The following MTHFD2 variants were observed in gnomAD, a reference collection of about 807,000 sequenced individuals.
MTHFD2 encodes the protein bifunctional methylenetetrahydrofolate dehydrogenase/cyclohydrolase, mitochondrial.
MTHFD2 carries 26 observed loss-of-function variants against 36.8 expected under a neutral mutation model. That is an observed-to-expected ratio of 0.71 (90% CI 0.52 to 0.98). The LOEUF is 0.98. Among genes scored for constraint, MTHFD2 ranks in the 50% least tolerant of loss-of-function variants. MTHFD2 has a pLI of 0.00. For synonymous variants in MTHFD2, 164 were observed against 155.2 expected (o/e 1.06, Z -0.42); for missense variants, 373 against 434.0 (o/e 0.86, Z 1.25).
chr2:74,206,797 C>T (rs1262442023), intron 2 of MTHFD2, among the ~76,000 whole-genome samples: 3 of 152,182 alleles, frequency 2.0e-5, no homozygotes, highest in Non-Finnish European at 2.9e-5. Context: ...CAACCTCCGC[C>T]TCCCGGGTTC....
chr2:74,211,684 A>G (rs755145428), intron 6 of MTHFD2, 57 bp from the exon 7 acceptor site: 3 of 1,503,360 alleles, frequency 2.0e-6, no homozygotes, highest in Non-Finnish European at 2.7e-6. Flanking sequence ...TTAGACAAGA[A>G]TCTGACAGGT....
intron 4 of MTHFD2, among the ~76,000 whole-genome samples, chr2:74,209,444 G>A (rs1335027802): frequency 1.6e-4 from 25 of 151,714 alleles, no homozygotes; most frequent in Admixed American, 1.6e-3. Flanking sequence ...GTACAGACGG[G>A]GTTTCACCGT....
chr2:74,211,064 C>T (rs576837760), intron 5 of MTHFD2, 135 bp from the exon 6 acceptor site: 80 of 575,482 alleles, frequency 1.4e-4, no homozygotes, highest in Non-Finnish European at 2.2e-4. Context: ...GGATTACAGG[C>T]GTGAGCCACT....
At chr2:74,208,469 T>G in intron 3 of MTHFD2, 100 bp from the exon 4 acceptor site, 1 of 1,358,090 alleles carries the variant, frequency 7.4e-7, no homozygotes, top group South Asian at 1.3e-5. Context: ...AGAGGCAAGC[T>G]GTAGAAGAAT....
intron 3 of MTHFD2, 69 bp from the exon 4 acceptor site, chr2:74,208,500 T>G (rs369693330): frequency 6.6e-7 from 1 of 1,518,752 alleles, no homozygotes. Context: ...GCGAAGCAGA[T>G]AAGCTGGAGT....
rs545972165 is a variant in MTHFD2, at chr2:74,216,858, C to T, written c.*2616C>T. On this transcript the variant is annotated 3_prime_UTR_variant, in exon 8 of 8. Transcript: ENST00000394053. ...TCCTGACCTCTGCTGATTCCCCCCA[C>T]CTCTGCCTCCCAAGTAGCGGGATTA... 3 of 152,236 alleles carry T rather than the reference C, an allele frequency of 2.0e-5. No homozygotes were observed. The highest frequency in any genetic ancestry group is 7.2e-5 in the African/African-American group (3 of 41,444). The allele number at this position is 152,236 out of a possible 1,614,324, so 9.4% of individuals were successfully genotyped here.
Position 74,198,667 on chromosome 2 carries a change from C to T in MTHFD2, c.26C>T (p.Ala9Val), listed in dbSNP as rs371131615. The T allele has an allele frequency of 1.3e-5, 21 of 1,611,142 alleles. No homozygotes were observed. The highest frequency in any genetic ancestry group is 2.7e-5 in the African/African-American group (2 of 74,826). The change falls in exon 1 of 8, where the codon GCT (alanine) becomes GTT (valine). Residue 9 changes from alanine (A) to valine (V), a missense_variant. By Grantham distance (64) the Ala-to-Val change is moderately conservative. Coordinates refer to ENST00000394053, the MANE Select transcript of MTHFD2 (RefSeq NM_006636.4). MAATSLMS[A>V]LAARLLQPAH... ...ATGGCTGCGACTTCTCTAATGTCTGCTTTGGCTGCCCGGCTGCTGCAGCCC... is the reference window on the plus strand; with the variant it reads ...ATGGCTGCGACTTCTCTAATGTCTGTTTTGGCTGCCCGGCTGCTGCAGCCC...
intron 4 of MTHFD2, among the ~76,000 whole-genome samples, chr2:74,209,243 T>C (rs1297237326): frequency 1.3e-5 from 2 of 151,578 alleles, no homozygotes; most frequent in East Asian, 1.9e-4. Flanking sequence ...ATTTTTCTTT[T>C]TCTTTTTTTT....
chr2:74,211,351 T>A, intron 6 of MTHFD2, 60 bp downstream of exon 6: 1 of 1,122,690 alleles, frequency 8.9e-7, no homozygotes, highest in Non-Finnish European at 1.3e-6. Context: ...GTTGTACCCC[T>A]CATCTTAGAA....
At chr2:74,209,245 C>T (rs570798495) in intron 4 of MTHFD2, among the ~76,000 whole-genome samples, 2 of 147,046 alleles carry the variant, frequency 1.4e-5, no homozygotes, top group South Asian at 4.3e-4. Flanking sequence ...TTTTCTTTTT[C>T]TTTTTTTTTG....
At chr2:74,204,153 A>G (rs760757460) in intron 1 of MTHFD2, among the ~76,000 whole-genome samples, 18 of 152,024 alleles carry the variant, frequency 1.2e-4, no homozygotes, top group Admixed American at 6.6e-4. Context: ...ACCTCAAGCA[A>G]TCCACCCTCC....
chr2:74,210,898 T>C (rs1268386076), intron 5 of MTHFD2, among the ~76,000 whole-genome samples: 2 of 151,724 alleles, frequency 1.3e-5, no homozygotes, highest in African/African-American at 4.8e-5. Flanking sequence ...GTGATTCTCA[T>C]GCCTCAGCCT....
intron 6 of MTHFD2, 103 bp from the exon 7 acceptor site, chr2:74,211,638 T>C (rs891126854): frequency 1.1e-5 from 12 of 1,109,826 alleles, no homozygotes; most frequent in African/African-American, 9.6e-5. Context: ...TAATAAAACA[T>C]GTTGATTAGT....
Position 74,217,547 on chromosome 2 carries a change from A to C in MTHFD2, c.*3305A>C, listed in dbSNP as rs1694484990. 6.6e-6 allele frequency: 1 copy of C among 152,188 alleles called. No homozygotes were observed. Among genetic ancestry groups the C allele is most frequent in the Non-Finnish European group, 1.5e-5 (1 of 68,026 alleles). The allele number at this position is 152,188 out of a possible 1,614,324, so 9.4% of individuals were successfully genotyped here. A position where few individuals can be genotyped will look rare whatever the true frequency, so the allele number is the denominator to read the frequency against. Reference sequence around the variant, plus strand: ...TTTGACTTTGGGAATAAACATTGAAAATTTGCAGGGAGGACCCACCCAAAT... The same window carrying C: ...TTTGACTTTGGGAATAAACATTGAACATTTGCAGGGAGGACCCACCCAAAT... On this transcript the variant is annotated 3_prime_UTR_variant, in exon 8 of 8. Transcript: ENST00000394053.
chr2:74,208,548 C>T (rs1558855470), intron 3 of MTHFD2, 21 bp from the exon 4 acceptor site: 2 of 1,611,616 alleles, frequency 1.2e-6, no homozygotes, highest in Non-Finnish European at 1.7e-6. Context: ...TTTAAGGCAA[C>T]TGTGCCAATT....
At chr2:74,200,541 C>T (rs1694018630) in intron 1 of MTHFD2, among the ~76,000 whole-genome samples, 1 of 151,200 alleles carries the variant, frequency 6.6e-6, no homozygotes, top group Admixed American at 6.6e-5. Flanking sequence ...TATGAGTCTG[C>T]ATTCTTTTTT....
chr2:74,205,682 T>C, intron 1 of MTHFD2, 23 bp from the exon 2 acceptor site: 3 of 1,610,384 alleles, frequency 1.9e-6, no homozygotes, highest in Non-Finnish European at 2.5e-6. Flanking sequence ...TATTTGGTTT[T>C]GTGACTCTGT....
Position 74,214,420 on chromosome 2 carries a change from G to A in MTHFD2, c.*178G>A. On this transcript the variant is annotated 3_prime_UTR_variant, in exon 8 of 8. Transcript: ENST00000394053. ...CACATACCTCTGCAGTACCTCACCA[G>A]GGAGCATTCCAGTATCATGCAGGGT... is the stretch of plus-strand genomic sequence containing the variant. 1 of 585,338 alleles carries A rather than the reference G, an allele frequency of 1.7e-6. No homozygotes were observed. The highest frequency in any genetic ancestry group is 2.8e-6 in the Non-Finnish European group (1 of 352,504). 36.3% of individuals were successfully genotyped at this position (585,338 alleles called of 1,614,324 possible).
intron 1 of MTHFD2, 146 bp downstream of exon 1, chr2:74,198,888 G>A (rs867745748): frequency 2.7e-6 from 2 of 730,184 alleles, no homozygotes; most frequent in Non-Finnish European, 4.1e-6. Context: ...GTGTGGCGGG[G>A]CGACGTGGCA....
Sources: gnomAD v4.1 joint callset for allele counts (sites outside exome capture counted in the v4.1 genomes callset) on GRCh38, gnomAD v4.1.1 for gene constraint, MANE v1.5 for transcripts, NCBI Gene and HGNC (gene_info 2026-07-23, HGNC 2026-07-21) for gene names.